The following MYPN variants were observed in gnomAD, a reference collection of about 807,000 sequenced individuals.
The protein encoded by MYPN is myopalladin.
In MYPN, 63 loss-of-function variants were observed where a neutral mutation model predicts 129.4. The ratio of observed to expected loss-of-function variants is 0.49; its 90% confidence interval spans 0.40 to 0.60. The LOEUF (loss-of-function observed/expected upper bound fraction) is 0.60. MYPN is among the 20% of genes least tolerant of loss of function. The pLI, the probability that MYPN is intolerant of heterozygous loss-of-function variation, is 0.00. For synonymous variants in MYPN, 629 were observed against 600.9 expected (o/e 1.05, Z -0.68); for missense variants, 1,596 against 1,635.4 (o/e 0.98, Z 0.42).
chr10:68,198,285 A>G (rs561347103), intron 16 of MYPN, among the ~76,000 whole-genome samples: 9 of 152,306 alleles, frequency 5.9e-5, no homozygotes, highest in Admixed American at 5.9e-4. Context: ...TAGACATGAA[A>G]ATATGGCTCC....
At chr10:68,162,017 AATT>A (rs1416745721) in intron 8 of MYPN, 1 of 292,130 alleles carries the variant, frequency 3.4e-6, no homozygotes, top group Non-Finnish European at 6.4e-6. Context: ...AAAATATAAA[AATT>A]AGCCAGGCAT....
rs369556687 is a variant in MYPN, at chr10:68,210,236, G to T, written c.3794-50G>T. 4.8e-4 allele frequency: 763 copies of T among 1,604,228 alleles called. 2 individuals are homozygous for T. Among genetic ancestry groups the T allele is most frequent in the South Asian group, 6.9e-4 (63 of 90,790 alleles). On this transcript the variant is annotated intron_variant, in intron 19 of 19. Coordinates refer to ENST00000358913, the MANE Select transcript of MYPN (RefSeq NM_032578.4). The stretch of plus-strand genomic sequence containing the variant: ...CAGAATGCACCTCTGCAGCGTACAT[G>T]CTGGACTGCATTCCTTTGATCATAA...
At chr10:68,182,342 TATATAAC>T (rs2043335616) in intron 12 of MYPN, among the ~76,000 whole-genome samples, 1 of 107,752 alleles carries the variant, frequency 9.3e-6, no homozygotes, top group Non-Finnish European at 2.0e-5. Flanking sequence ...AACACACACA[TATATAAC>T]ATATATATAA....
intron 2 of MYPN, among the ~76,000 whole-genome samples, chr10:68,134,662 G>A (rs1343676364): frequency 2.6e-5 from 4 of 152,058 alleles, no homozygotes; most frequent in Non-Finnish European, 4.4e-5. Context: ...GGGCATGTTG[G>A]TGTGCTCCTG....
At chr10:68,111,352 G>C (rs1406699269) in intron 1 of MYPN, among the ~76,000 whole-genome samples, 2 of 152,148 alleles carry the variant, frequency 1.3e-5, no homozygotes, top group African/African-American at 4.8e-5. Context: ...TCACTAACCT[G>C]AAAATATAAG....
rs33973275 is a variant in MYPN, at chr10:68,204,725, CAAAAAAAAA to C, written c.3660-2033_3660-2025del. Reference sequence around the variant, plus strand: ...AGAGTGAGACTCTGAGACTCTGTCTCAAAAAAAAAAAAAAAAAAAAGAGAATACAAACTG... The same window carrying C: ...AGAGTGAGACTCTGAGACTCTGTCTCAAAAAAAAAAAGAGAATACAAACTG... On this transcript the variant is annotated intron_variant, in intron 18 of 19. Coordinates refer to ENST00000358913, the MANE Select transcript of MYPN (RefSeq NM_032578.4). 4.2e-3 allele frequency among the ~76,000 whole-genome samples: 379 copies of C among 89,350 alleles called. 2 individuals carry two copies. The highest frequency in any genetic ancestry group is 0.017 in the South Asian group (42 of 2,438). The allele number at this position is 89,350 out of a possible 152,430, so 58.6% of individuals were successfully genotyped here.
intron 19 of MYPN, among the ~76,000 whole-genome samples, chr10:68,209,548 T>C (rs1295307429): frequency 6.6e-6 from 1 of 152,106 alleles, no homozygotes; most frequent in African/African-American, 2.4e-5. Flanking sequence ...TGAGGTACCC[T>C]CTTTGAGAGC....
intron 2 of MYPN, among the ~76,000 whole-genome samples, chr10:68,142,508 C>T (rs1280077494): frequency 6.6e-6 from 1 of 152,156 alleles, no homozygotes; most frequent in African/African-American, 2.4e-5. Context: ...TTAGTTAGGT[C>T]AGATAAAACT....
intron 1 of MYPN, among the ~76,000 whole-genome samples, chr10:68,099,359 G>A (rs1362354811): frequency 2.0e-5 from 3 of 152,118 alleles, no homozygotes; most frequent in Non-Finnish European, 2.9e-5. Context: ...TTTTGTTGTT[G>A]TTGTTGTTTT....
At chr10:68,208,775 G>A (rs2043858027) in intron 19 of MYPN, among the ~76,000 whole-genome samples, 1 of 152,084 alleles carries the variant, frequency 6.6e-6, no homozygotes, top group African/African-American at 2.4e-5. Context: ...GGCTGGAATC[G>A]ATTCCCTTCC....
At chr10:68,117,400 A>G (rs1393397575) in intron 1 of MYPN, among the ~76,000 whole-genome samples, 2 of 152,104 alleles carry the variant, frequency 1.3e-5, no homozygotes, top group Admixed American at 1.3e-4. Context: ...ATATATTGTG[A>G]TAAGTACTGT....
At chr10:68,145,304 G>A (rs1055177310) in intron 3 of MYPN, among the ~76,000 whole-genome samples, 171 bp from the exon 4 acceptor site, 1 of 152,104 alleles carries the variant, frequency 6.6e-6, no homozygotes, top group Non-Finnish European at 1.5e-5. Context: ...GATTACAGGT[G>A]TGAGCCACCA....
intron 1 of MYPN, among the ~76,000 whole-genome samples, chr10:68,091,393 CT>C (rs11301512): frequency 0.17 from 17,927 of 106,438 alleles, 603 homozygotes; most frequent in African/African-American, 0.32. Flanking sequence ...GACTACAGCC[CT>C]TTTTTTTTTT....
chr10:68,182,512 CA>C (rs2043353316), intron 12 of MYPN, among the ~76,000 whole-genome samples: 1 of 133,496 alleles, frequency 7.5e-6, no homozygotes, highest in Admixed American at 8.0e-5. Flanking sequence ...ATATATATGG[CA>C]TTTTTTTTTT....
chr10:68,135,222 G>A (rs573853378), intron 2 of MYPN, among the ~76,000 whole-genome samples: 1 of 152,176 alleles, frequency 6.6e-6, no homozygotes, highest in African/African-American at 2.4e-5. Context: ...CAAAGTGCTG[G>A]GATCACAGGC....
rs1382097826 is a variant in MYPN at position 68,121,984 on chromosome 10, G to A, written c.546G>A (p.Lys182=). Residue 182 remains lysine, a synonymous_variant, in exon 2 of 20, where the codon AAG becomes AAA. Transcript: ENST00000358913. ...RIRPRACKNH[K]SKLESQNKVM... ...GACCTCGTGCCTGCAAAAACCACAA[G>A]AGTAAACTGGAATCTCAAAACAAAG... 3.1e-6 allele frequency: 5 copies of A among 1,614,088 alleles called. No homozygotes were observed. The Admixed American group carries it at 5.0e-5, about 16-fold the overall frequency.
At chr10:68,142,164 A>G (rs1305594532) in intron 2 of MYPN, among the ~76,000 whole-genome samples, 5 of 152,244 alleles carry the variant, frequency 3.3e-5, no homozygotes, top group Admixed American at 2.6e-4. Flanking sequence ...TGCCATTCAC[A>G]GTAGCAATGC....
Position 68,089,910 on chromosome 10 carries a change from T to C in MYPN, c.-2+1918T>C, listed in dbSNP as rs562168732. On this transcript the variant is annotated intron_variant, in intron 1 of 6. Coordinates refer to the MYPN transcript ENST00000685154. ...AATGATAATCTTGGATATGATCTGA[T>C]GGAATGAAGTATATCCATTTAGGGT... Among the ~76,000 whole-genome samples, 397 of 152,304 alleles carry C rather than the reference T, an allele frequency of 2.6e-3. 4 individuals are homozygous for C. The highest frequency in any genetic ancestry group is 9.2e-3 in the African/African-American group (384 of 41,570).
At position 68,143,105 on chromosome 10, in the gene MYPN, T is replaced by G. The variant is rs2042603122; in HGVS notation, c.1068T>G (p.Ile356Met). The change falls in exon 3 of 20, where the codon ATT becomes ATG. Residue 356 changes from isoleucine (I) to methionine (M), a missense_variant. Transcript: ENST00000358913. ...IYGTDSTSAE[I>M]YIEGVSSSDS... ...GGACAGATTCGACTTCTGCTGAGAT[T>G]TATATAGAAGGTAAAACAAAATGCT... 6.2e-7 allele frequency: 1 copy of G among 1,613,902 alleles called. No homozygotes were observed. Among genetic ancestry groups the G allele is most frequent in the South Asian group, 1.1e-5 (1 of 91,078 alleles).
Sources: gnomAD v4.1 joint callset for allele counts (sites outside exome capture counted in the v4.1 genomes callset) on GRCh38, gnomAD v4.1.1 for gene constraint, MANE v1.5 for transcripts, NCBI Gene and HGNC (gene_info 2026-07-23, HGNC 2026-07-21) for gene names.